Variants in CSK observed in about 807,000 individuals in gnomAD.
The protein encoded by CSK is C-terminal Src kinase, also known as tyrosine-protein kinase CSK.
A neutral mutation model predicts 62.3 loss-of-function variants in CSK; 7 were observed. That is an observed-to-expected ratio of 0.11 (90% CI 0.06 to 0.21). CSK has a LOEUF of 0.21. Among genes scored for constraint, CSK ranks in the 10% least tolerant of loss-of-function variants. The probability of loss-of-function intolerance (pLI) is 1.00; values close to 1 mark genes in which losing one functional copy is unlikely to be tolerated. For synonymous variants in CSK, 237 were observed against 246.0 expected, an observed-to-expected ratio of 0.96 and a Z score of 0.34; for missense variants, 294 against 613.5, an observed-to-expected ratio of 0.48 and a Z score of 5.50.
chr15:74,792,968 C>T (rs1178980438), intron 1 of CSK: 1 of 152,194 alleles, frequency 6.6e-6, no homozygotes, highest in Non-Finnish European at 1.5e-5. Context: ...AACTATAGTC[C>T]CATTGGTTAT....
chr15:74,800,291 C>A, intron 5 of CSK, 121 bp from the exon 6 acceptor site: 1 of 805,814 alleles, frequency 1.2e-6, no homozygotes, highest in Non-Finnish European at 2.1e-6. Context: ...GGAGCCCTCC[C>A]CACTCAGTGA....
In CSK at chr15:74,802,946, G is replaced by A. The variant is rs550678660; in HGVS notation, c.*433G>A. 22 of 177,382 alleles carry A rather than the reference G, an allele frequency of 1.2e-4. No homozygotes were observed. Among genetic ancestry groups the A allele is most frequent in the Admixed American group, 9.1e-4 (14 of 15,452 alleles). The allele number at this position is 177,382 out of a possible 1,614,324, so 11.0% of individuals were successfully genotyped here. On this transcript the variant is annotated 3_prime_UTR_variant, in exon 13 of 13. Coordinates refer to ENST00000220003, the MANE Select transcript of CSK (RefSeq NM_004383.3). The stretch of plus-strand genomic sequence containing the variant: ...CTGTCCTGCCCGTGAGGGTGGGGGG[G>A]ACCGGGCCCCTCTCTAGGGACCCCT...
In CSK at chr15:74,801,401, C is replaced by T. The variant is rs34983171; in HGVS notation, c.814-121C>T. On this transcript the variant is annotated intron_variant, in intron 9 of 12. Transcript: ENST00000220003. ...TCCGGCATGGATGTTCTGGCCCCTC[C>T]CCACTCCTTCCCTGTCTCACACCTC... 2,766 of 946,642 alleles carry T rather than the reference C, an allele frequency of 2.9e-3. 37 individuals carry two copies. In the African/African-American group the frequency reaches 0.04, roughly 14 times the overall value. 58.6% of individuals were successfully genotyped at this position (946,642 alleles called of 1,614,324 possible).
chr15:74,799,132 G>C, intron 4 of CSK, 140 bp from the exon 5 acceptor site: 1 of 1,022,272 alleles, frequency 9.8e-7, no homozygotes, highest in Non-Finnish European at 1.4e-6. Flanking sequence ...AGAAGGGACA[G>C]GGAGCAGAAG....
At chr15:74,797,957 C>G (rs187644081) in intron 1 of CSK, 117 of 234,472 alleles carry the variant, frequency 5.0e-4, no homozygotes, top group East Asian at 1.6e-3. Flanking sequence ...GTCAGGTGTC[C>G]ATTGTCCCAC....
chr15:74,785,672 G>T (rs1596366482), intron 1 of CSK, among the ~76,000 whole-genome samples: 1 of 152,184 alleles, frequency 6.6e-6, no homozygotes, highest in East Asian at 1.9e-4. Context: ...ATTGTTGAAG[G>T]AGTGCCCACT....
chr15:74,789,580 C>T (rs1165897071), intron 1 of CSK, among the ~76,000 whole-genome samples: 1 of 152,226 alleles, frequency 6.6e-6, no homozygotes, highest in Non-Finnish European at 1.5e-5. Flanking sequence ...AAATCTGAAA[C>T]TTAATTCTGC....
intron 9 of CSK, 75 bp from the exon 10 acceptor site, chr15:74,801,447 C>G (rs2063791187): frequency 6.8e-7 from 1 of 1,465,104 alleles, no homozygotes; most frequent in African/African-American, 1.4e-5. Context: ...CAACACCCAC[C>G]CGGCCCCAGC....
chr15:74,788,068 AG>A (rs2063552093), intron 1 of CSK, among the ~76,000 whole-genome samples: 1 of 152,118 alleles, frequency 6.6e-6, no homozygotes, highest in Non-Finnish European at 1.5e-5. Flanking sequence ...GGCAGCCTGG[AG>A]GGCCTCCTGG....
chr15:74,801,388 G>A (rs2063790166), intron 9 of CSK, 134 bp from the exon 10 acceptor site: 2 of 811,000 alleles, frequency 2.5e-6, no homozygotes, highest in African/African-American at 1.7e-5. Flanking sequence ...CGGCATGGAT[G>A]TTCTGGCCCC....
chr15:74,788,988 T>C (rs375112379), intron 1 of CSK, among the ~76,000 whole-genome samples: 1 of 152,178 alleles, frequency 6.6e-6, no homozygotes, highest in African/African-American at 2.4e-5. Context: ...TAGAAACCTT[T>C]CTGGGCCAGG....
At chr15:74,797,759 T>C (rs2063728668) in intron 1 of CSK, among the ~76,000 whole-genome samples, 1 of 152,134 alleles carries the variant, frequency 6.6e-6, no homozygotes, top group African/African-American at 2.4e-5. Context: ...CTGTGTCCTC[T>C]CGGTGTGTAC....
intron 12 of CSK, 103 bp downstream of exon 12, chr15:74,802,186 C>A: frequency 7.1e-7 from 1 of 1,416,158 alleles, no homozygotes; most frequent in Non-Finnish European, 9.7e-7. Flanking sequence ...GGCCTAGAAG[C>A]CTCAGGCCTG....
At chr15:74,792,401 C>T (rs1444339279) in intron 1 of CSK, among the ~76,000 whole-genome samples, 1 of 152,112 alleles carries the variant, frequency 6.6e-6, no homozygotes, top group African/African-American at 2.4e-5. Flanking sequence ...ACAGGTCTGG[C>T]TAAGGTACCA....
intron 1 of CSK, among the ~76,000 whole-genome samples, chr15:74,784,657 A>T (rs2063488091): frequency 6.6e-6 from 1 of 152,230 alleles, no homozygotes; most frequent in Non-Finnish European, 1.5e-5. Flanking sequence ...TGAGCCACAC[A>T]GAGTGGCCCT....
At chr15:74,793,622 G>T (rs901916244) in intron 1 of CSK, among the ~76,000 whole-genome samples, 1 of 152,214 alleles carries the variant, frequency 6.6e-6, no homozygotes, top group African/African-American at 2.4e-5. Flanking sequence ...GATAATAATA[G>T]CTTCTCTGTC....
At position 74,782,398 on chromosome 15, in the gene CSK, C is replaced by CA. The variant is rs1290926681; in HGVS notation, c.-388_-387insA. The CA allele has an allele frequency of 6.6e-6, 1 of 151,374 alleles. No individual in the cohort carries two copies. The highest frequency in any genetic ancestry group is 1.9e-4 in the East Asian group (1 of 5,158). 9.4% of individuals were successfully genotyped at this position (151,374 alleles called of 1,614,324 possible). A position where few individuals can be genotyped will look rare whatever the true frequency, so the allele number is the denominator to read the frequency against. ...GTCCGGGGCGGCCCCCGGCAGCCAG[C>CA]GCGACGTTCCAAAATCGAACCTCAG... On this transcript the variant is annotated 5_prime_UTR_variant, in exon 1 of 13. Coordinates refer to ENST00000220003, the MANE Select transcript of CSK (RefSeq NM_004383.3). The surrounding 1 kb of genome is among the most constrained non-coding windows in gnomAD (Gnocchi z 5.7).
Position 74,790,416 on chromosome 15 carries a change from T to TCTC in CSK, c.-66+7698_-66+7699insCCT, listed in dbSNP as rs111787346. On this transcript the variant is annotated intron_variant, in intron 1 of 12. Transcript: ENST00000220003. The stretch of plus-strand genomic sequence containing the variant: ...GCCTGGGAGTTTCTGGGCTCCCAGT[T>TCTC]CTTTCTCCCCACTCCTTGTCAGCCT... Among the ~76,000 whole-genome samples the TCTC allele has an allele frequency of 9.0e-3, 1,369 of 152,280 alleles. 18 individuals are homozygous for TCTC. The highest frequency in any genetic ancestry group is 0.027 in the African/African-American group (1,136 of 41,556).
chr15:74,786,004 T>C (rs112141179), intron 1 of CSK, among the ~76,000 whole-genome samples: 25 of 102,290 alleles, frequency 2.4e-4, no homozygotes, highest in African/African-American at 5.5e-4. Flanking sequence ...CTCTCTCTCT[T>C]TTTTTTTTTT....
Sources: allele counts gnomAD v4.1 joint callset (sites outside exome capture counted in the v4.1 genomes callset), GRCh38; gene constraint gnomAD v4.1.1; non-coding constraint Gnocchi (gnomAD v3.1); transcripts MANE v1.5; gene names NCBI Gene and HGNC (gene_info 2026-07-23, HGNC 2026-07-21).